The following SLC2A10 variants were observed in gnomAD, a reference collection of about 807,000 sequenced individuals.
SLC2A10 encodes solute carrier family 2 member 10.
A neutral mutation model predicts 32.1 loss-of-function variants in SLC2A10; 25 were observed. The ratio of observed to expected loss-of-function variants is 0.78; its 90% CI spans 0.57 to 1.09. The LOEUF (loss-of-function observed/expected upper bound fraction) is 1.09, where lower values mean the gene tolerates loss of function less well. Ranked by LOEUF, SLC2A10 falls within the 50% of genes least tolerant of loss-of-function variation. The probability of loss-of-function intolerance (pLI) is 0.00; values close to 1 mark genes in which losing one functional copy is unlikely to be tolerated. For missense variants in SLC2A10, 673 were observed against 686.5 expected (o/e 0.98, Z 0.22); for synonymous variants, 332 against 309.6 (o/e 1.07, Z -0.76).
chr20:46,733,599 A>G (rs1369878485), intron 4 of SLC2A10, among the ~76,000 whole-genome samples, 157 bp from the exon 5 acceptor site: 2 of 152,108 alleles, frequency 1.3e-5, no homozygotes, highest in Non-Finnish European at 2.9e-5. Flanking sequence ...GGTCCAGGTG[A>G]GAGAAGGTGG....
At position 46,735,447 on chromosome 20, in the gene SLC2A10, A is replaced by G. The variant is rs931974946; in HGVS notation, c.*1613A>G. 2 of 152,530 alleles carry G rather than the reference A, an allele frequency of 1.3e-5. No individual in the cohort carries two copies. The highest frequency in any genetic ancestry group is 2.9e-5 in the Non-Finnish European group (2 of 68,050). The allele number at this position is 152,530 out of a possible 1,614,324, so 9.4% of individuals were successfully genotyped here. ...TTAAATTTATAATTAAGTAAATTAC[A>G]TTAAAACAAAAAAATTATACTCAAA... On this transcript the variant is annotated 3_prime_UTR_variant, in exon 5 of 5. Coordinates refer to ENST00000359271, the MANE Select transcript of SLC2A10 (RefSeq NM_030777.4).
intron 1 of SLC2A10, chr20:46,709,975 T>C: frequency 1.8e-6 from 1 of 552,624 alleles, no homozygotes; most frequent in Non-Finnish European, 3.1e-6. Context: ...GCCCCTCACT[T>C]GCTGCAGCGC....
intron 3 of SLC2A10, among the ~76,000 whole-genome samples, chr20:46,728,604 GTTTTTTTTTTTTTTT>G (rs778644499): frequency 9.9e-6 from 1 of 101,352 alleles, no homozygotes; most frequent in African/African-American, 3.9e-5. Flanking sequence ...TTCTGGGTGT[GTTTTTTTTTTTTTTT>G]TTTTTTTTTG....
intron 4 of SLC2A10, among the ~76,000 whole-genome samples, chr20:46,730,639 G>A (rs1481092780): frequency 6.6e-6 from 1 of 152,206 alleles, no homozygotes; most frequent in Non-Finnish European, 1.5e-5. Flanking sequence ...TGGAACAGAG[G>A]GAGGAAGGGA....
rs1360831843 is a variant in SLC2A10, at chr20:46,735,023, AG to A, written c.*1192del. Reference sequence around the variant, plus strand: ...TTTCAGGAGGGTCCCCAGCTGGTCCAGGGCCTGGGAAATTTCTACTTATCCT... The same window carrying A: ...TTTCAGGAGGGTCCCCAGCTGGTCCAGGCCTGGGAAATTTCTACTTATCCT... On this transcript the variant is annotated 3_prime_UTR_variant, in exon 5 of 5. Transcript: ENST00000359271. The A allele has an allele frequency of 6.6e-6, 1 of 152,650 alleles. No homozygotes were observed. Among genetic ancestry groups the A allele is most frequent in the African/African-American group, 2.4e-5 (1 of 41,458 alleles). 9.5% of individuals were successfully genotyped at this position (152,650 alleles called of 1,614,324 possible).
At chr20:46,724,887 T>TGGATGGAC (rs1979781676) in intron 1 of SLC2A10, among the ~76,000 whole-genome samples, 154 bp from the exon 2 acceptor site, 1 of 149,790 alleles carries the variant, frequency 6.7e-6, no homozygotes, top group South Asian at 2.1e-4. Context: ...GATGGATGGA[T>TGGATGGAC]GGATGGATGG....
chr20:46,709,508 T>A (rs768750563), upstream of SLC2A10: 10 of 473,376 alleles, frequency 2.1e-5, no homozygotes, highest in Non-Finnish European at 3.3e-5. Context: ...TTGCCAGGCC[T>A]GGGGCGGCCG....
rs200196034 is a variant in SLC2A10 at position 46,726,093 on chromosome 20, C to G, written c.1057C>G (p.Leu353Val). ...GDSGLLQDSS[L>V]PPIPRTNEDQ... ...CTCTGGCCTGCTGCAGGACTCCTCT[C>G]TACCTCCCATTCCAAGGACCAATGA... is the stretch of plus-strand genomic sequence containing the variant. The change falls in exon 2 of 5, where the codon CTA becomes GTA. Residue 353 changes from leucine to valine, a missense_variant. By Grantham distance (32) the Leu-to-Val change is conservative (BLOSUM62 1). Transcript: ENST00000359271. 5.0e-5 allele frequency: 80 copies of G among 1,614,260 alleles called. No individual in the cohort carries two copies. Among genetic ancestry groups the G allele is most frequent in the Non-Finnish European group, 6.5e-5 (77 of 1,180,038 alleles).
intron 1 of SLC2A10, among the ~76,000 whole-genome samples, chr20:46,722,850 A>C (rs887899807): frequency 1.3e-5 from 2 of 152,188 alleles, no homozygotes; most frequent in African/African-American, 4.8e-5. Context: ...AATCCCCACC[A>C]TTCTTTGTTG....
rs1332973285 is a variant in SLC2A10 at position 46,709,729 on chromosome 20, C to G, written c.-8C>G. The G allele has an allele frequency of 1.9e-6, 3 of 1,546,250 alleles. No homozygotes were observed. The highest frequency in any genetic ancestry group is 1.2e-5 in the South Asian group (1 of 83,784). On this transcript the variant is annotated 5_prime_UTR_variant, in exon 1 of 5. Coordinates refer to ENST00000359271, the MANE Select transcript of SLC2A10 (RefSeq NM_030777.4). ...GCGCCCCCAGCACGCCGCCGAGTCC[C>G]GCTCGCCATGGGTAAGTCCCGATCG...
intron 1 of SLC2A10, among the ~76,000 whole-genome samples, chr20:46,724,332 G>C (rs1037837105): frequency 1.8e-4 from 28 of 152,316 alleles, no homozygotes; most frequent in Admixed American, 1.8e-3. Flanking sequence ...TGGATGGATA[G>C]ATGGATGGAT....
intron 4 of SLC2A10, 64 bp from the exon 5 acceptor site, chr20:46,733,691 TC>T (rs938849924): frequency 3.0e-6 from 4 of 1,314,552 alleles, no homozygotes; most frequent in African/African-American, 2.9e-5. Flanking sequence ...CAGTGGAAGG[TC>T]CACTCCCCAG....
intron 1 of SLC2A10, 118 bp downstream of exon 1, chr20:46,709,858 G>T (rs1436037034): frequency 2.4e-5 from 30 of 1,272,692 alleles, no homozygotes; most frequent in Non-Finnish European, 3.1e-5. Flanking sequence ...CGCCCCGGCC[G>T]GATACCGCCT....
intron 1 of SLC2A10, among the ~76,000 whole-genome samples, chr20:46,715,110 T>C (rs1051947247): frequency 7.2e-5 from 11 of 152,306 alleles, no homozygotes; most frequent in African/African-American, 2.6e-4. Flanking sequence ...ATCTGTAAGA[T>C]GGAATAATTG....
At chr20:46,721,321 A>G (rs1026663777) in intron 1 of SLC2A10, among the ~76,000 whole-genome samples, 1 of 152,186 alleles carries the variant, frequency 6.6e-6, no homozygotes, top group Non-Finnish European at 1.5e-5. Context: ...TCACACTGCA[A>G]GTTAGTTACC....
rs1423610543 is a variant in SLC2A10 at position 46,725,045 on chromosome 20, C to T, written c.9C>T (p.His3=). 2 of 1,614,236 alleles carry T rather than the reference C, an allele frequency of 1.2e-6. No homozygotes were observed. The highest frequency in any genetic ancestry group is 1.1e-5 in the South Asian group (1 of 91,086). Residue 3 remains histidine (H), a synonymous_variant, in exon 2 of 5, where the codon CAC becomes CAT. Transcript: ENST00000359271. MG[H]SPPVLPLCAS... ...CCTCTCACTTTTGTTTTTTAGGCCA[C>T]TCCCCACCTGTCCTGCCTTTGTGTG... is the stretch of plus-strand genomic sequence containing the variant.
rs907389029 is a variant in SLC2A10 at position 46,714,041 on chromosome 20, T to TA, written c.4+4311dup. Among the ~76,000 whole-genome samples the TA allele has an allele frequency of 1.0e-3, 151 of 149,642 alleles. 1 individual carries two copies. Among genetic ancestry groups the TA allele is most frequent in the African/African-American group, 3.0e-3 (124 of 40,852 alleles). ...AGGAAGGGTACTTGGGTACTGAGATTAAAAAAAAAATGACAGGCCAACCTT... is the reference window on the plus strand; with the variant it reads ...AGGAAGGGTACTTGGGTACTGAGATTAAAAAAAAAAATGACAGGCCAACCTT... On this transcript the variant is annotated intron_variant, in intron 1 of 4. Coordinates refer to ENST00000359271, the MANE Select transcript of SLC2A10 (RefSeq NM_030777.4).
chr20:46,728,545 A>G (rs187832893), intron 3 of SLC2A10, among the ~76,000 whole-genome samples: 68 of 151,754 alleles, frequency 4.5e-4, no homozygotes, highest in African/African-American at 1.4e-3. Context: ...AACTGGCTGA[A>G]ACTCAATTCT....
At chr20:46,726,415 G>A (rs1161184434) in intron 2 of SLC2A10, 91 bp downstream of exon 2, 2 of 1,539,530 alleles carry the variant, frequency 1.3e-6, no homozygotes, top group Non-Finnish European at 1.7e-6. Flanking sequence ...ACCTGGCAGG[G>A]TGTCAGTGGG....
Sources: gnomAD v4.1 joint callset for allele counts (sites outside exome capture counted in the v4.1 genomes callset) on GRCh38, gnomAD v4.1.1 for gene constraint, MANE v1.5 for transcripts, NCBI Gene and HGNC (gene_info 2026-07-23, HGNC 2026-07-21) for gene names.